Variants in ZC2HC1B observed in about 807,000 individuals in gnomAD.
ZC2HC1B encodes zinc finger C2HC-type containing 1B.
In ZC2HC1B, 36 loss-of-function variants were observed where a neutral mutation model predicts 31.0. The ratio of observed to expected loss-of-function variants is 1.16; its 90% confidence interval spans 0.89 to 1.54. The LOEUF is 1.54. Ranked by LOEUF, ZC2HC1B falls within the 40% of genes most tolerant of loss-of-function variation. The pLI, the probability that ZC2HC1B is intolerant of heterozygous loss-of-function variation, is 0.00. For missense variants in ZC2HC1B, 260 were observed against 268.6 expected (o/e 0.97, Z 0.22); for synonymous variants, 73 against 88.0 (o/e 0.83, Z 0.95).
Position 143,923,935 on chromosome 6 carries a change from T to G in ZC2HC1B, c.599-13714T>G, listed in dbSNP as rs1368755043. On this transcript the variant is annotated intron_variant, in intron 6 of 7. Transcript: ENST00000237275. The surrounding 1 kb of genome is among the most constrained non-coding windows in gnomAD (Gnocchi z 4.8). ...AGGAACACTATGGCTATTTGAGCTC[T>G]TTAATGGTTCTATACAAATTTTAGG... Among the ~76,000 whole-genome samples, 2 of 152,138 alleles carry G rather than the reference T, an allele frequency of 1.3e-5. No homozygotes were observed. Among genetic ancestry groups the G allele is most frequent in the Non-Finnish European group, 2.9e-5 (2 of 67,994 alleles).
intron 6 of ZC2HC1B, among the ~76,000 whole-genome samples, chr6:143,927,300 T>C (rs1778064659): frequency 1.3e-5 from 2 of 152,080 alleles, no homozygotes; most frequent in African/African-American, 4.8e-5. Context: ...CTTACCCGCC[T>C]CCCACCTTCC....
chr6:143,922,700 A>AT lies in ZC2HC1B; in HGVS notation c.599-14948dup, dbSNP rs1482682255. 2.0e-5 allele frequency among the ~76,000 whole-genome samples: 3 copies of AT among 152,156 alleles called. No individual in the cohort carries two copies. Among genetic ancestry groups the AT allele is most frequent in the African/African-American group, 7.2e-5 (3 of 41,444 alleles). On this transcript the variant is annotated intron_variant, in intron 6 of 7. Coordinates refer to ENST00000237275, the MANE Select transcript of ZC2HC1B (RefSeq NM_001013623.3). The surrounding 1 kb of genome is among the most constrained non-coding windows in gnomAD (Gnocchi z 5.0). ...CTGAATAGTATTCCACTGAGTATAT[A>AT]TACCACATTTTCTTTTTTTCAAATT... is the stretch of plus-strand genomic sequence containing the variant.
intron 6 of ZC2HC1B, among the ~76,000 whole-genome samples, chr6:143,926,556 C>A (rs921200301): frequency 6.6e-6 from 1 of 151,910 alleles, no homozygotes; most frequent in Admixed American, 6.6e-5. Flanking sequence ...GAGAATGTTC[C>A]ATGTGTTGAT....
chr6:143,937,391 CAGTCCAA>C (rs1778191003), intron 6 of ZC2HC1B, among the ~76,000 whole-genome samples: 1 of 152,128 alleles, frequency 6.6e-6, no homozygotes, highest in Non-Finnish European at 1.5e-5. Flanking sequence ...ACTTGAGGTG[CAGTCCAA>C]AGTCCATGAA....
In ZC2HC1B at chr6:143,923,797, A is replaced by T. The variant is rs1455286505; in HGVS notation, c.599-13852A>T. Among the ~76,000 whole-genome samples the T allele has an allele frequency of 6.6e-6, 1 of 151,892 alleles. No individual in the cohort carries two copies. The highest frequency in any genetic ancestry group is 2.4e-5 in the African/African-American group (1 of 41,342). On this transcript the variant is annotated intron_variant, in intron 6 of 7. Transcript: ENST00000237275. This position sits in a 1 kb window ranked among gnomAD's most constrained non-coding sequence, Gnocchi z 4.8. ...ATTCCTGGAGTGTCTATTCTGTTTCATTGGTTTATGTGTCTGTTTTTATAC... is the reference window on the plus strand; with the variant it reads ...ATTCCTGGAGTGTCTATTCTGTTTCTTTGGTTTATGTGTCTGTTTTTATAC...
At chr6:143,937,264 G>A (rs1161645480) in intron 6 of ZC2HC1B, among the ~76,000 whole-genome samples, 1 of 152,174 alleles carries the variant, frequency 6.6e-6, no homozygotes, top group Non-Finnish European at 1.5e-5. Context: ...GCTTAGCAAA[G>A]TCTTCTCATG....
At position 143,886,324 on chromosome 6, in the gene ZC2HC1B, C is replaced by T. The variant is rs1777530149; in HGVS notation, c.210+173C>T. Among the ~76,000 whole-genome samples, 1 of 152,152 alleles carries T rather than the reference C, an allele frequency of 6.6e-6. No homozygotes were observed. Among genetic ancestry groups the T allele is most frequent in the African/African-American group, 2.4e-5 (1 of 41,440 alleles). On this transcript the variant is annotated intron_variant, in intron 3 of 7. Transcript: ENST00000237275. This position sits in a 1 kb window ranked among gnomAD's most constrained non-coding sequence, Gnocchi z 4.2. ...CTCACTTAGATTTCCAGATATACTT[C>T]AGATATTTTCCAGATGTAGCAAAAA...
At position 143,895,580 on chromosome 6, in the gene ZC2HC1B, GTT is replaced by G. The variant is rs1777656450; in HGVS notation, c.350-2968_350-2967del. 6.6e-6 allele frequency among the ~76,000 whole-genome samples: 1 copy of G among 152,104 alleles called. No individual in the cohort carries two copies. Among genetic ancestry groups the G allele is most frequent in the African/African-American group, 2.4e-5 (1 of 41,410 alleles). On this transcript the variant is annotated intron_variant, in intron 4 of 7. Transcript: ENST00000237275. This position sits in a 1 kb window ranked among gnomAD's most constrained non-coding sequence, Gnocchi z 4.8. The stretch of plus-strand genomic sequence containing the variant: ...CATGATTCCCTATTTTCATGATTCA[GTT>G]TTTGAGACATGCCTATATTCTACTT...
rs769155913 is a variant in ZC2HC1B at position 143,893,511 on chromosome 6, G to A, written c.350-5041G>A. On this transcript the variant is annotated intron_variant, in intron 4 of 7. Transcript: ENST00000237275. ...TGAACCTGGAGGCAGAGGTTGCAGT[G>A]AGCAGAGATTGTGCTAATGCGCTCC... Among the ~76,000 whole-genome samples the A allele has an allele frequency of 5.1e-4, 77 of 152,148 alleles. 1 individual carries two copies. The highest frequency in any genetic ancestry group is 8.5e-4 in the Non-Finnish European group (58 of 68,002).
Position 143,922,942 on chromosome 6 carries a change from A to C in ZC2HC1B, c.599-14707A>C, listed in dbSNP as rs1777999048. Among the ~76,000 whole-genome samples, 1 of 152,122 alleles carries C rather than the reference A, an allele frequency of 6.6e-6. No individual in the cohort carries two copies. The highest frequency in any genetic ancestry group is 2.1e-4 in the South Asian group (1 of 4,826). On this transcript the variant is annotated intron_variant, in intron 6 of 7. Coordinates refer to ENST00000237275, the MANE Select transcript of ZC2HC1B (RefSeq NM_001013623.3). This position sits in a 1 kb window ranked among gnomAD's most constrained non-coding sequence, Gnocchi z 5.0. ...AGGAAACTTCATTCTGTCTTCTGCA[A>C]GGGCTGTACTAATTTACTTTCCAAC...
At position 143,883,128 on chromosome 6, in the gene ZC2HC1B, C is replaced by T. The variant is rs1444307061; in HGVS notation, c.29-1176C>T. The stretch of plus-strand genomic sequence containing the variant: ...GATCATGGCTCACTGCAACTTCTGC[C>T]TCCTGGGCTCAAGTGATCCTCTCAC... On this transcript the variant is annotated intron_variant, in intron 1 of 7. Coordinates refer to ENST00000237275, the MANE Select transcript of ZC2HC1B (RefSeq NM_001013623.3). The surrounding 1 kb of genome is among the most constrained non-coding windows in gnomAD (Gnocchi z 4.1). 1.3e-5 allele frequency among the ~76,000 whole-genome samples: 2 copies of T among 152,164 alleles called. No homozygotes were observed. Among genetic ancestry groups the T allele is most frequent in the African/African-American group, 2.4e-5 (1 of 41,450 alleles).
In ZC2HC1B at chr6:143,923,917, C is replaced by G. The variant is rs951627747; in HGVS notation, c.599-13732C>G. On this transcript the variant is annotated intron_variant, in intron 6 of 7. Transcript: ENST00000237275. The surrounding 1 kb of genome is among the most constrained non-coding windows in gnomAD (Gnocchi z 4.8). ...CTTTGTTTTTTTTTACTCAGGAACA[C>G]TATGGCTATTTGAGCTCTTTAATGG... Among the ~76,000 whole-genome samples, 5 of 151,882 alleles carry G rather than the reference C, an allele frequency of 3.3e-5. No homozygotes were observed. Among genetic ancestry groups the G allele is most frequent in the Non-Finnish European group, 5.9e-5 (4 of 67,922 alleles).
Position 143,911,881 on chromosome 6 carries a change from C to G in ZC2HC1B, c.598+8729C>G, listed in dbSNP as rs945634143. On this transcript the variant is annotated intron_variant, in intron 6 of 7. Transcript: ENST00000237275. This position sits in a 1 kb window ranked among gnomAD's most constrained non-coding sequence, Gnocchi z 4.5. ...GTGTTTTCCAACTTGGTTCCATTCTCTCTGTCTCTTTCAGGTACCCCAATC... is the reference window on the plus strand; with the variant it reads ...GTGTTTTCCAACTTGGTTCCATTCTGTCTGTCTCTTTCAGGTACCCCAATC... Among the ~76,000 whole-genome samples, 4 of 152,170 alleles carry G rather than the reference C, an allele frequency of 2.6e-5. No individual in the cohort carries two copies. The highest frequency in any genetic ancestry group is 1.9e-4 in the East Asian group (1 of 5,204).
At chr6:143,894,226 T>A (rs1276811587) in intron 4 of ZC2HC1B, among the ~76,000 whole-genome samples, 1 of 152,200 alleles carries the variant, frequency 6.6e-6, no homozygotes, top group Non-Finnish European at 1.5e-5. Flanking sequence ...AGGAAATACA[T>A]GCAGCAACAT....
At chr6:143,873,271 C>A (rs889629219) in intron 1 of ZC2HC1B, among the ~76,000 whole-genome samples, 1 of 152,240 alleles carries the variant, frequency 6.6e-6, no homozygotes. Context: ...CATGCTGATG[C>A]AAGAGGTGGG....
At position 143,911,016 on chromosome 6, in the gene ZC2HC1B, G is replaced by A. The variant is rs550907228; in HGVS notation, c.598+7864G>A. Among the ~76,000 whole-genome samples, 4 of 152,286 alleles carry A rather than the reference G, an allele frequency of 2.6e-5. No homozygotes were observed. Among genetic ancestry groups the A allele is most frequent in the African/African-American group, 9.6e-5 (4 of 41,556 alleles). On this transcript the variant is annotated intron_variant, in intron 6 of 7. Transcript: ENST00000237275. This position sits in a 1 kb window ranked among gnomAD's most constrained non-coding sequence, Gnocchi z 4.5. ...TATTCACCTGCCTCGGCCTCCCAAA[G>A]TGCTAGGATTACAGGCATGAGCCAC...
At chr6:143,902,095 G>C (rs1022744859) in intron 5 of ZC2HC1B, among the ~76,000 whole-genome samples, 1 of 152,092 alleles carries the variant, frequency 6.6e-6, no homozygotes, top group Non-Finnish European at 1.5e-5. Context: ...TGGTGATTGC[G>C]AACACAGAAG....
intron 6 of ZC2HC1B, among the ~76,000 whole-genome samples, chr6:143,916,063 C>T (rs558404497): frequency 9.2e-5 from 14 of 152,232 alleles, no homozygotes; most frequent in East Asian, 3.9e-4. Flanking sequence ...ATCATAGGCC[C>T]GAGGTTTAAG....
At chr6:143,937,533 C>CAAA in intron 6 of ZC2HC1B, 116 bp from the exon 7 acceptor site, 5 of 676,800 alleles carry the variant, frequency 7.4e-6, no homozygotes, top group South Asian at 5.2e-5. Flanking sequence ...CACCTCCCAC[C>CAAA]AAAAAAAAGG....
Sources: allele counts gnomAD v4.1 joint callset (sites outside exome capture counted in the v4.1 genomes callset), GRCh38; gene constraint gnomAD v4.1.1; non-coding constraint Gnocchi (gnomAD v3.1); transcripts MANE v1.5; gene names NCBI Gene and HGNC (gene_info 2026-07-23, HGNC 2026-07-21).